Variants in NWD1 observed in about 807,000 individuals in gnomAD.
NWD1 encodes the protein NACHT domain- and WD repeat-containing protein 1.
In NWD1, 129 loss-of-function variants were observed where a neutral mutation model predicts 135.1. That is an observed-to-expected ratio of 0.96 (90% confidence interval 0.83 to 1.11). The LOEUF is 1.11. NWD1 is among the 50% of genes least tolerant of loss of function. The pLI is 0.00. For synonymous variants in NWD1, 773 were observed against 786.0 expected, an observed-to-expected ratio of 0.98 and a Z score of 0.28; for missense variants, 1,740 against 1,851.3, an observed-to-expected ratio of 0.94 and a Z score of 1.10.
At chr19:16,769,202 C>T (rs915582117) in intron 10 of NWD1, among the ~76,000 whole-genome samples, 4 of 152,110 alleles carry the variant, frequency 2.6e-5, no homozygotes, top group African/African-American at 9.7e-5. Flanking sequence ...TGGCTCATGC[C>T]TATAATCCCA....
At chr19:16,812,729 T>C (rs1425704381) in intron 18 of NWD1, 1 of 780,850 alleles carries the variant, frequency 1.3e-6, no homozygotes, top group Admixed American at 1.7e-5. Flanking sequence ...GAGATCATAT[T>C]GTCTGTTTTC....
intron 12 of NWD1, among the ~76,000 whole-genome samples, chr19:16,785,686 T>C (rs750989988): frequency 2.7e-4 from 40 of 149,462 alleles, no homozygotes; most frequent in Non-Finnish European, 5.2e-4. Flanking sequence ...ATATTTATGC[T>C]TTATGTATGT....
At chr19:16,739,014 T>C (rs1967972553) in intron 4 of NWD1, among the ~76,000 whole-genome samples, 1 of 117,880 alleles carries the variant, frequency 8.5e-6, no homozygotes, top group African/African-American at 3.2e-5. Flanking sequence ...ATTACAGTTA[T>C]TCTTTTGATC....
intron 4 of NWD1, among the ~76,000 whole-genome samples, chr19:16,738,738 A>AAT (rs1234687813): frequency 1.4e-5 from 2 of 141,456 alleles, no homozygotes; most frequent in African/African-American, 5.4e-5. Context: ...ATCTATATAT[A>AAT]ATATATATAT....
intron 10 of NWD1, among the ~76,000 whole-genome samples, chr19:16,771,258 C>T (rs573225845): frequency 1.3e-5 from 2 of 152,278 alleles, no homozygotes; most frequent in South Asian, 2.1e-4. Flanking sequence ...TTGAGACCAG[C>T]CTTGGTGACA....
chr19:16,729,443 A>G (rs1237397750), intron 2 of NWD1, among the ~76,000 whole-genome samples: 1 of 151,598 alleles, frequency 6.6e-6, no homozygotes, highest in Non-Finnish European at 1.5e-5. Flanking sequence ...CAGTGCAAAC[A>G]CCCCGTCTTC....
intron 11 of NWD1, among the ~76,000 whole-genome samples, chr19:16,778,247 G>A (rs757897803): frequency 3.3e-5 from 5 of 151,998 alleles, no homozygotes; most frequent in Non-Finnish European, 5.9e-5. Flanking sequence ...TAGTGTCTAG[G>A]CCCACGTTTT....
intron 14 of NWD1, among the ~76,000 whole-genome samples, chr19:16,793,756 T>C (rs1233671205): frequency 6.6e-6 from 1 of 151,704 alleles, no homozygotes; most frequent in East Asian, 2.0e-4. Context: ...TTTGTATTTT[T>C]AGTAGAGATG....
intron 2 of NWD1, among the ~76,000 whole-genome samples, chr19:16,726,691 G>A (rs192947394): frequency 3.3e-5 from 5 of 152,066 alleles, no homozygotes; most frequent in Non-Finnish European, 7.4e-5. Flanking sequence ...CACCCACCTC[G>A]GCCTCCCAAA....
chr19:16,765,880 G>A (rs1969202626), intron 10 of NWD1, among the ~76,000 whole-genome samples: 1 of 151,982 alleles, frequency 6.6e-6, no homozygotes, highest in South Asian at 2.1e-4. Context: ...AGCAGGGTGT[G>A]GTGGTGGGCA....
At chr19:16,804,389 G>A (rs982819439) in intron 17 of NWD1, among the ~76,000 whole-genome samples, 3 of 152,070 alleles carry the variant, frequency 2.0e-5, no homozygotes, top group Admixed American at 1.3e-4. Flanking sequence ...GAGACCAGAA[G>A]TTTGAGACCA....
intron 17 of NWD1, among the ~76,000 whole-genome samples, chr19:16,804,164 T>C (rs1290559176): frequency 6.6e-6 from 1 of 152,060 alleles, no homozygotes; most frequent in Non-Finnish European, 1.5e-5. Flanking sequence ...TGAGCAAGAA[T>C]GCAGGCTCAG....
intron 4 of NWD1, among the ~76,000 whole-genome samples, chr19:16,740,821 G>A (rs1421455223): frequency 1.3e-5 from 2 of 151,930 alleles, no homozygotes; most frequent in African/African-American, 4.8e-5. Context: ...GTGTGGTTCT[G>A]GCATTAAGAC....
chr19:16,797,681 C>T lies in NWD1; in HGVS notation c.3305-51C>T, dbSNP rs139187881. 27 of 1,550,692 alleles carry T rather than the reference C, an allele frequency of 1.7e-5. No homozygotes were observed. In the Middle Eastern group the frequency reaches 5.3e-4, roughly 30 times the overall value. On this transcript the variant is annotated intron_variant, in intron 15 of 18. Transcript: ENST00000524140. ...ACCTCTGTTGATGGAAGGAATGACC[C>T]TCAATCTCCTCTGGACATGAGAGGT... is the stretch of plus-strand genomic sequence containing the variant.
At chr19:16,726,054 C>T (rs1273595922) in intron 2 of NWD1, among the ~76,000 whole-genome samples, 1 of 151,918 alleles carries the variant, frequency 6.6e-6, no homozygotes, top group African/African-American at 2.4e-5. Context: ...CCTCTGCCTC[C>T]CAGGTTCAAG....
intron 12 of NWD1, among the ~76,000 whole-genome samples, chr19:16,782,284 T>TA (rs35838598): frequency 0.064 from 4,878 of 76,142 alleles, 369 homozygotes; most frequent in African/African-American, 0.19. Flanking sequence ...ACGTCACCTC[T>TA]AAAAAAAAAA....
At chr19:16,804,881 G>GCCT (rs1970705886) in intron 17 of NWD1, among the ~76,000 whole-genome samples, 1 of 151,832 alleles carries the variant, frequency 6.6e-6, no homozygotes, top group Non-Finnish European at 1.5e-5. Flanking sequence ...CTGGAGTGAA[G>GCCT]AGGTACAATG....
chr19:16,761,858 G>T (rs1209399689), intron 7 of NWD1, 121 bp from the exon 8 acceptor site: 1 of 694,498 alleles, frequency 1.4e-6, no homozygotes, highest in African/African-American at 1.8e-5. Flanking sequence ...AAATAGCACA[G>T]GTGGTCAACA....
At chr19:16,754,871 C>G (rs536009087) in intron 6 of NWD1, among the ~76,000 whole-genome samples, 1 of 152,162 alleles carries the variant, frequency 6.6e-6, no homozygotes, top group Non-Finnish European at 1.5e-5. Context: ...TCCATCCATC[C>G]ATCCATTCAT....
Sources: allele counts gnomAD v4.1 joint callset (sites outside exome capture counted in the v4.1 genomes callset), GRCh38; gene constraint gnomAD v4.1.1; transcripts MANE v1.5; gene names NCBI Gene and HGNC (gene_info 2026-07-23, HGNC 2026-07-21).